The following APBA1 variants were observed in gnomAD, a reference collection of about 807,000 sequenced individuals.
The protein encoded by APBA1 is amyloid beta precursor protein binding family A member 1.
In APBA1, 55 loss-of-function variants were observed where a neutral mutation model predicts 86.6. The observed-to-expected ratio is 0.64, with a 90% CI of 0.51 to 0.80. The LOEUF (loss-of-function observed/expected upper bound fraction) is 0.80, where lower values mean the gene tolerates loss of function less well. APBA1 is among the 30% of genes least tolerant of loss of function. The pLI, the probability that APBA1 is intolerant of heterozygous loss-of-function variation, is 0.00. For synonymous variants in APBA1, 511 were observed against 493.9 expected (o/e 1.03, Z -0.46); for missense variants, 1,090 against 1,183.0 (o/e 0.92, Z 1.15).
intron 1 of APBA1, among the ~76,000 whole-genome samples, chr9:69,544,126 G>A (rs1300206038): frequency 6.6e-6 from 1 of 152,172 alleles, no homozygotes; most frequent in Non-Finnish European, 1.5e-5. Flanking sequence ...TTTTTAGGCT[G>A]AATTTAAACT....
intron 1 of APBA1, among the ~76,000 whole-genome samples, chr9:69,545,893 A>G (rs943863421): frequency 6.6e-6 from 1 of 152,244 alleles, no homozygotes; most frequent in Non-Finnish European, 1.5e-5. Flanking sequence ...ATATGCTTGT[A>G]AACATCATGG....
intron 2 of APBA1, among the ~76,000 whole-genome samples, chr9:69,513,475 C>G (rs1242055935): frequency 6.6e-6 from 1 of 152,218 alleles, no homozygotes; most frequent in Non-Finnish European, 1.5e-5. Flanking sequence ...ATACAGAAGC[C>G]AGCCTTTTGT....
At chr9:69,553,024 C>T (rs1282460158) in intron 1 of APBA1, among the ~76,000 whole-genome samples, 2 of 151,996 alleles carry the variant, frequency 1.3e-5, no homozygotes, top group East Asian at 3.9e-4. Flanking sequence ...CCACCTAAGC[C>T]TCCTGAGTAG....
intron 2 of APBA1, among the ~76,000 whole-genome samples, chr9:69,477,034 T>A (rs1409523258): frequency 2.0e-5 from 3 of 152,230 alleles, no homozygotes; most frequent in Non-Finnish European, 4.4e-5. Flanking sequence ...CATTGTTGTG[T>A]GCTTCTGAAA....
At chr9:69,489,260 G>C (rs2133857247) in intron 2 of APBA1, among the ~76,000 whole-genome samples, 1 of 152,146 alleles carries the variant, frequency 6.6e-6, no homozygotes, top group Admixed American at 6.5e-5. Flanking sequence ...AAAACAGCAT[G>C]GTACTGGTAC....
chr9:69,641,280 C>A (rs1210670978), intron 1 of APBA1, among the ~76,000 whole-genome samples: 2 of 152,104 alleles, frequency 1.3e-5, no homozygotes, highest in African/African-American at 4.8e-5. Flanking sequence ...GAAAGATATA[C>A]CATGTTCATG....
intron 1 of APBA1, among the ~76,000 whole-genome samples, chr9:69,604,852 A>T (rs1388927907): frequency 1.3e-5 from 2 of 150,404 alleles, no homozygotes; most frequent in African/African-American, 4.9e-5. Flanking sequence ...GTAAGAGGAG[A>T]GGCATATGAG....
At chr9:69,433,213 C>T (rs1226952742) in intron 11 of APBA1, among the ~76,000 whole-genome samples, 1 of 152,206 alleles carries the variant, frequency 6.6e-6, no homozygotes, top group Non-Finnish European at 1.5e-5. Context: ...GTTCAAACTC[C>T]CTTCCCACAG....
chr9:69,588,676 C>T (rs986836267), intron 1 of APBA1, among the ~76,000 whole-genome samples: 1 of 152,160 alleles, frequency 6.6e-6, no homozygotes, highest in African/African-American at 2.4e-5. Context: ...GAGCTTAGTT[C>T]CTCTGCACCA....
intron 1 of APBA1, among the ~76,000 whole-genome samples, chr9:69,670,465 C>A (rs1025778006): frequency 6.6e-6 from 1 of 152,150 alleles, no homozygotes; most frequent in African/African-American, 2.4e-5. Context: ...GGTGTTATGA[C>A]TAAAACATGT....
At chr9:69,528,664 C>G (rs72717199) in intron 1 of APBA1, among the ~76,000 whole-genome samples, 9,479 of 152,024 alleles carry the variant, frequency 0.062, 341 homozygotes, top group African/African-American at 0.093. Context: ...TTCCTTTCTA[C>G]TGTTATCTCT....
At chr9:69,489,070 G>A (rs1045527312) in intron 2 of APBA1, among the ~76,000 whole-genome samples, 1 of 152,078 alleles carries the variant, frequency 6.6e-6, no homozygotes, top group East Asian at 1.9e-4. Context: ...GTAATTTATA[G>A]ATTCAATGCC....
intron 1 of APBA1, among the ~76,000 whole-genome samples, chr9:69,644,520 T>C (rs568588723): frequency 6.6e-6 from 1 of 152,354 alleles, no homozygotes; most frequent in South Asian, 2.1e-4. Flanking sequence ...GCTCCATGAA[T>C]GGCTTTCCCC....
At chr9:69,637,889 C>T (rs1289259452) in intron 1 of APBA1, among the ~76,000 whole-genome samples, 1 of 152,072 alleles carries the variant, frequency 6.6e-6, no homozygotes. Flanking sequence ...AAAAGGAAGG[C>T]AGGACATATG....
At chr9:69,641,569 G>A (rs77272857) in intron 1 of APBA1, among the ~76,000 whole-genome samples, 2,271 of 152,148 alleles carry the variant, frequency 0.015, 55 homozygotes, top group African/African-American at 0.052. Context: ...GAAACAAAAT[G>A]AAGTCCAGAA....
intron 1 of APBA1, among the ~76,000 whole-genome samples, chr9:69,625,867 T>G (rs1236679241): frequency 6.6e-6 from 1 of 152,170 alleles, no homozygotes; most frequent in African/African-American, 2.4e-5. Context: ...CCTAAATTAC[T>G]CTCTGTTAAT....
At chr9:69,658,250 TTC>T (rs1209768343) in intron 1 of APBA1, among the ~76,000 whole-genome samples, 2 of 22,506 alleles carry the variant, frequency 8.9e-5, no homozygotes, top group East Asian at 7.9e-3. Flanking sequence ...CTTTCTTTCT[TTC>T]TTTCTTTCTT....
chr9:69,616,112 TAGG>T (rs1822694329), intron 1 of APBA1, among the ~76,000 whole-genome samples: 2 of 152,182 alleles, frequency 1.3e-5, no homozygotes, highest in South Asian at 2.1e-4. Flanking sequence ...CCACCTGATC[TAGG>T]AGATCTTTTA....
intron 1 of APBA1, among the ~76,000 whole-genome samples, chr9:69,613,807 T>G (rs970372094): frequency 2.6e-5 from 4 of 152,230 alleles, no homozygotes; most frequent in African/African-American, 9.6e-5. Context: ...TGTTTACATT[T>G]CTCTATAATA....
Sources: gnomAD v4.1 joint callset for allele counts (sites outside exome capture counted in the v4.1 genomes callset) on GRCh38, gnomAD v4.1.1 for gene constraint, MANE v1.5 for transcripts, NCBI Gene and HGNC (gene_info 2026-07-23, HGNC 2026-07-21) for gene names.